Variants in SPON1 observed in about 807,000 individuals in gnomAD.
SPON1 encodes the protein spondin-1.
SPON1 carries 52 observed loss-of-function variants against 111.7 expected under a neutral mutation model. The ratio of observed to expected loss-of-function variants is 0.47; its 90% CI spans 0.37 to 0.59. The LOEUF (loss-of-function observed/expected upper bound fraction) is 0.59, where lower values mean the gene tolerates loss of function less well. Among genes scored for constraint, SPON1 ranks in the 20% least tolerant of loss-of-function variants. The pLI, the probability that SPON1 is intolerant of heterozygous loss-of-function variation, is 0.00. For missense variants in SPON1, 957 were observed against 1,068.5 expected, an observed-to-expected ratio of 0.90 and a Z score of 1.46; for synonymous variants, 410 against 395.8, an observed-to-expected ratio of 1.04 and a Z score of -0.43.
intron 2 of SPON1, among the ~76,000 whole-genome samples, chr11:13,985,686 G>C: frequency 6.6e-6 from 1 of 151,964 alleles, no homozygotes; most frequent in Middle Eastern, 3.4e-3. Flanking sequence ...CTTAATTCTT[G>C]TAGCAACCTT....
rs1358181412 is a variant in SPON1 at position 14,156,445 on chromosome 11, G to A, written c.825+20877G>A. On this transcript the variant is annotated intron_variant, in intron 6 of 15. Coordinates refer to ENST00000576479, the MANE Select transcript of SPON1 (RefSeq NM_006108.4). Reference sequence around the variant, plus strand: ...AAAATTTTCTCCCATTCTGTAGGTTGCCTGTTCACTCTGATGGTAGTTTCT... The same window carrying A: ...AAAATTTTCTCCCATTCTGTAGGTTACCTGTTCACTCTGATGGTAGTTTCT... Among the ~76,000 whole-genome samples the A allele has an allele frequency of 2.8e-3, 399 of 144,754 alleles. 2 individuals are homozygous for A. The highest frequency in any genetic ancestry group is 4.3e-3 in the Non-Finnish European group (283 of 65,398). The allele number at this position is 144,754 out of a possible 152,430, so 95.0% of individuals were successfully genotyped here. A position where few individuals can be genotyped will look rare whatever the true frequency, so the allele number is the denominator to read the frequency against.
intron 5 of SPON1, among the ~76,000 whole-genome samples, chr11:14,112,889 C>A (rs967065267): frequency 3.3e-5 from 5 of 152,136 alleles, no homozygotes; most frequent in Non-Finnish European, 5.9e-5. Context: ...TGCCTGATGC[C>A]CAGTGTCTCT....
rs782203330 is a variant in SPON1, at chr11:14,259,638, G to A, written c.1768G>A (p.Ala590Thr). The change falls in exon 13 of 16, where the codon GCA (alanine) becomes ACA (threonine). Residue 590 changes from alanine to threonine, a missense_variant. Physicochemically the swap from Ala to Thr is moderately conservative, Grantham distance 58 (BLOSUM62 0). Around this residue, in one of 5 missense-constraint regions of SPON1, gnomAD observed 549 missense variants for 606.2 expected, o/e 0.91. Coordinates refer to ENST00000576479, the MANE Select transcript of SPON1 (RefSeq NM_006108.4). This position sits in a 1 kb window ranked among gnomAD's most constrained non-coding sequence, Gnocchi z 5.0. ...KRHRMIKMNP[A>T]DGSMCKAETS... is the part of the protein sequence containing the mutation. ...GCACCGCATGATCAAGATGAACCCC[G>A]CAGATGGCTCCATGTGCAAAGCCGA... The A allele has an allele frequency of 8.3e-6, 13 of 1,565,350 alleles. No homozygotes were observed. The highest frequency in any genetic ancestry group is 1.9e-5 in the Admixed American group (1 of 52,546).
intron 5 of SPON1, among the ~76,000 whole-genome samples, chr11:14,091,389 T>C (rs12577017): frequency 2.0e-5 from 3 of 151,264 alleles, no homozygotes; most frequent in Admixed American, 6.6e-5. Context: ...GTGGTGCTCG[T>C]TGGGGAGGCT....
At position 14,206,799 on chromosome 11, in the gene SPON1, G is replaced by A. The variant is rs112298402; in HGVS notation, c.826-36533G>A. On this transcript the variant is annotated intron_variant, in intron 6 of 15. Coordinates refer to ENST00000576479, the MANE Select transcript of SPON1 (RefSeq NM_006108.4). Reference sequence around the variant, plus strand: ...GGGAAGAGTCATTATTGTGAAAACAGCCACACTGCCCAAAGCAATTTATAG... The same window carrying A: ...GGGAAGAGTCATTATTGTGAAAACAACCACACTGCCCAAAGCAATTTATAG... Among the ~76,000 whole-genome samples the A allele has an allele frequency of 5.2e-3, 796 of 152,152 alleles. 6 individuals are homozygous for A. The highest frequency in any genetic ancestry group is 0.018 in the African/African-American group (753 of 41,500).
chr11:13,988,577 A>G (rs907796746), intron 2 of SPON1, among the ~76,000 whole-genome samples: 4 of 152,152 alleles, frequency 2.6e-5, no homozygotes, highest in African/African-American at 9.7e-5. Context: ...AGAACTTCCA[A>G]CACTATGTTG....
At chr11:14,075,486 C>T (rs766519030) in intron 4 of SPON1, 68 bp downstream of exon 4, 2 of 1,192,942 alleles carry the variant, frequency 1.7e-6, no homozygotes, top group Non-Finnish European at 2.4e-6. Context: ...GCACGATCCT[C>T]CTGCTGCAAG....
chr11:14,091,930 G>A (rs1591373416), intron 5 of SPON1, among the ~76,000 whole-genome samples: 1 of 152,182 alleles, frequency 6.6e-6, no homozygotes, highest in Non-Finnish European at 1.5e-5. Flanking sequence ...GTGGCGGGGC[G>A]GGGGAGGCCC....
chr11:14,152,588 T>C (rs1847801142), intron 6 of SPON1, among the ~76,000 whole-genome samples: 1 of 152,236 alleles, frequency 6.6e-6, no homozygotes, highest in Non-Finnish European at 1.5e-5. Context: ...TGGGAATTTC[T>C]TGATAGGGAA....
intron 3 of SPON1, among the ~76,000 whole-genome samples, chr11:14,060,012 T>A (rs973340348): frequency 2.0e-5 from 3 of 152,162 alleles, no homozygotes; most frequent in African/African-American, 4.8e-5. Context: ...TTCCTCCTTA[T>A]AAAATGGGAA....
intron 6 of SPON1, among the ~76,000 whole-genome samples, chr11:14,239,572 A>G (rs1478408595): frequency 6.6e-6 from 1 of 152,146 alleles, no homozygotes; most frequent in Non-Finnish European, 1.5e-5. Context: ...CAAAAATACA[A>G]AAATTAGCCA....
chr11:14,011,210 T>A (rs1554913697), intron 2 of SPON1, among the ~76,000 whole-genome samples: 1 of 152,218 alleles, frequency 6.6e-6, no homozygotes, highest in Non-Finnish European at 1.5e-5. Flanking sequence ...GAAAGAGCAC[T>A]GGACTCTACT....
chr11:14,128,492 G>T (rs1847488905), intron 5 of SPON1, among the ~76,000 whole-genome samples: 1 of 152,188 alleles, frequency 6.6e-6, no homozygotes, highest in Non-Finnish European at 1.5e-5. Flanking sequence ...GCCTTGGGCA[G>T]CTCCACCCCT....
At chr11:14,246,008 C>T (rs899151642) in intron 7 of SPON1, among the ~76,000 whole-genome samples, 1 of 152,242 alleles carries the variant, frequency 6.6e-6, no homozygotes, top group African/African-American at 2.4e-5. Context: ...TCTGCTGTCT[C>T]TTCAGATTCT....
intron 6 of SPON1, among the ~76,000 whole-genome samples, chr11:14,227,372 G>T (rs989308776): frequency 6.6e-6 from 1 of 152,174 alleles, no homozygotes; most frequent in Non-Finnish European, 1.5e-5. Flanking sequence ...TTAGGCCATA[G>T]CTCTTCACAG....
intron 5 of SPON1, among the ~76,000 whole-genome samples, chr11:14,113,599 T>A (rs868983606): frequency 0.35 from 31,501 of 91,284 alleles, 7,128 homozygotes; most frequent in East Asian, 0.6. Flanking sequence ...TTTTTTTTTT[T>A]TTTTTTTTTT....
At chr11:14,079,793 C>G in intron 4 of SPON1, 106 bp from the exon 5 acceptor site, 2 of 1,228,014 alleles carry the variant, frequency 1.6e-6, no homozygotes, top group South Asian at 2.9e-5. Context: ...ATGAAAGCTG[C>G]ATCTTCTTTT....
intron 3 of SPON1, among the ~76,000 whole-genome samples, chr11:14,049,808 C>T (rs927012512): frequency 1.7e-4 from 26 of 152,120 alleles, no homozygotes; most frequent in African/African-American, 4.6e-4. Context: ...CTCAAAGTTA[C>T]GTATGGTCTT....
chr11:14,109,450 A>G (rs1200749897), intron 5 of SPON1, among the ~76,000 whole-genome samples: 1 of 152,250 alleles, frequency 6.6e-6, no homozygotes, highest in Non-Finnish European at 1.5e-5. Context: ...AATAACATAA[A>G]CACAGCTTAA....
Sources: allele counts gnomAD v4.1 joint callset (sites outside exome capture counted in the v4.1 genomes callset), GRCh38; gene constraint gnomAD v4.1.1; regional missense constraint gnomAD v4.1.1; non-coding constraint Gnocchi (gnomAD v3.1); transcripts MANE v1.5; gene names NCBI Gene and HGNC (gene_info 2026-07-23, HGNC 2026-07-21).